Variants in CDIN1 observed in about 807,000 individuals in gnomAD.
CDIN1 encodes CDAN1-interacting nuclease 1.
CDIN1 carries 33 observed loss-of-function variants against 45.3 expected under a neutral mutation model. The ratio of observed to expected loss-of-function variants is 0.73; its 90% confidence interval spans 0.55 to 0.97. The LOEUF is 0.97. Ranked by LOEUF, CDIN1 falls within the 50% of genes least tolerant of loss-of-function variation. The pLI, the probability that CDIN1 is intolerant of heterozygous loss-of-function variation, is 0.00. For synonymous variants in CDIN1, 118 were observed against 124.4 expected (o/e 0.95, Z 0.34); for missense variants, 303 against 339.4 (o/e 0.89, Z 0.84).
intron 10 of CDIN1, among the ~76,000 whole-genome samples, chr15:36,747,788 A>G (rs1204688579): frequency 1.3e-5 from 2 of 152,092 alleles, no homozygotes; most frequent in East Asian, 1.9e-4. Flanking sequence ...ATACCAAAAC[A>G]TTTTTCCTAA....
In CDIN1 at chr15:36,692,195, T is replaced by A. The variant is rs1218389798; in HGVS notation, c.476+20T>A. 6.2e-7 allele frequency: 1 copy of A among 1,611,876 alleles called. No homozygotes were observed. Among genetic ancestry groups the A allele is most frequent in the South Asian group, 1.1e-5 (1 of 90,800 alleles). On this transcript the variant is annotated intron_variant, in intron 7 of 10. Transcript: ENST00000566621. Reference sequence around the variant, plus strand: ...CAAGCAGTATCCTTTCCCATAAAATTTTAGGTGCGCAATTGACGAGCTTAG... The same window carrying A: ...CAAGCAGTATCCTTTCCCATAAAATATTAGGTGCGCAATTGACGAGCTTAG...
intron 10 of CDIN1, among the ~76,000 whole-genome samples, chr15:36,718,902 A>T (rs542175053): frequency 5.5e-4 from 82 of 150,206 alleles, no homozygotes; most frequent in African/African-American, 1.8e-3. Context: ...ATCTTAGAAG[A>T]AAGATTTTAG....
At chr15:36,694,158 G>A (rs1002483249) in intron 7 of CDIN1, among the ~76,000 whole-genome samples, 13 of 152,142 alleles carry the variant, frequency 8.5e-5, no homozygotes, top group African/African-American at 2.9e-4. Context: ...GATTGCTTTT[G>A]TCATGCAAAA....
intron 1 of CDIN1, among the ~76,000 whole-genome samples, chr15:36,592,352 G>T (rs2037618671): frequency 6.6e-6 from 1 of 152,134 alleles, no homozygotes; most frequent in Non-Finnish European, 1.5e-5. Flanking sequence ...ATTGGCAAAT[G>T]GTACAACCTG....
chr15:36,799,942 A>G (rs1435780496), intron 10 of CDIN1: 1 of 152,230 alleles, frequency 6.6e-6, no homozygotes, highest in Non-Finnish European at 1.5e-5. Context: ...TTATAAATAT[A>G]GCATCTATCT....
intron 3 of CDIN1, among the ~76,000 whole-genome samples, chr15:36,646,886 T>C (rs148480229): frequency 1.6e-3 from 239 of 152,312 alleles, no homozygotes; most frequent in African/African-American, 4.8e-3. Context: ...GTTTTAGTTA[T>C]TAATACATGA....
At position 36,765,967 on chromosome 15, in the gene CDIN1, A is replaced by G. The variant is rs140637482; in HGVS notation, c.717-42357A>G. The stretch of plus-strand genomic sequence containing the variant: ...GTTAAAATTTTAAGTGCTCAATACC[A>G]TATTGCTAACTATAGGTACTATGGT... On this transcript the variant is annotated intron_variant, in intron 10 of 10. Transcript: ENST00000566621. Among the ~76,000 whole-genome samples the G allele has an allele frequency of 1.9e-3, 286 of 152,308 alleles. 3 individuals are homozygous for G. The highest frequency in any genetic ancestry group is 6.5e-3 in the African/African-American group (270 of 41,574).
At chr15:36,717,308 A>G (rs187576266) in intron 10 of CDIN1, among the ~76,000 whole-genome samples, 7 of 152,292 alleles carry the variant, frequency 4.6e-5, no homozygotes, top group African/African-American at 1.7e-4. Flanking sequence ...ATGCCTCTTT[A>G]TAATCCACTT....
At chr15:36,607,375 G>C (rs1237530197) in intron 1 of CDIN1, among the ~76,000 whole-genome samples, 1 of 152,108 alleles carries the variant, frequency 6.6e-6, no homozygotes, top group African/African-American at 2.4e-5. Context: ...ATACGAGGAG[G>C]TAATTTTACA....
chr15:36,809,310 C>T lies in CDIN1; in HGVS notation c.*857C>T, dbSNP rs1452580129. 4 of 183,976 alleles carry T rather than the reference C, an allele frequency of 2.2e-5. No individual in the cohort carries two copies. The highest frequency in any genetic ancestry group is 9.5e-5 in the African/African-American group (4 of 42,044). The allele number at this position is 183,976 out of a possible 1,614,324, so 11.4% of individuals were successfully genotyped here. Reference sequence around the variant, plus strand: ...TACGTGAGCTAGTATTTTTATGAGTCGAGTTTTTTAAAGGCACATTCTGTA... The same window carrying T: ...TACGTGAGCTAGTATTTTTATGAGTTGAGTTTTTTAAAGGCACATTCTGTA... On this transcript the variant is annotated 3_prime_UTR_variant, in exon 11 of 11. Transcript: ENST00000566621.
chr15:36,613,684 T>C, intron 1 of CDIN1: 1 of 1,470,446 alleles, frequency 6.8e-7, no homozygotes, highest in Non-Finnish European at 9.5e-7. Context: ...AGCGCCTGGC[T>C]ACTGCCCTGC....
At chr15:36,582,484 C>A (rs545046484) in intron 1 of CDIN1, among the ~76,000 whole-genome samples, 66 of 152,332 alleles carry the variant, frequency 4.3e-4, no homozygotes, top group African/African-American at 1.5e-3. Context: ...ACTACTAGTA[C>A]AGTTATGATG....
Position 36,703,219 on chromosome 15 carries a change from A to AATATATATATAT in CDIN1, c.544+5832_544+5843dup, listed in dbSNP as rs71126233. On this transcript the variant is annotated intron_variant, in intron 8 of 10. Coordinates refer to ENST00000566621, the MANE Select transcript of CDIN1 (RefSeq NM_001321759.2). ...GGCAATAGAGTGAGACCCTGTCTCA[A>AATATATATATAT]ATATATATATATATCAGATATATAT... Among the ~76,000 whole-genome samples, 23 of 57,376 alleles carry AATATATATATAT rather than the reference A, an allele frequency of 4.0e-4. 8 individuals carry two copies. The East Asian group carries it at 5.1e-3, about 13-fold the overall frequency. The allele number at this position is 57,376 out of a possible 152,430, so 37.6% of individuals were successfully genotyped here.
intron 10 of CDIN1, among the ~76,000 whole-genome samples, chr15:36,758,294 AGTAGCATGTGG>A (rs1011595256): frequency 6.6e-6 from 1 of 152,288 alleles, no homozygotes; most frequent in East Asian, 1.9e-4. Context: ...TGGCCTTGAT[AGTAGCATGTGG>A]CTACAGTGTG....
intron 10 of CDIN1, among the ~76,000 whole-genome samples, chr15:36,754,600 AAT>A (rs892619071): frequency 6.6e-6 from 1 of 151,256 alleles, no homozygotes; most frequent in Non-Finnish European, 1.5e-5. Context: ...CAAGTAAGGG[AAT>A]ATATAACTTC....
At position 36,744,104 on chromosome 15, in the gene CDIN1, A is replaced by G. The variant is rs752037386; in HGVS notation, c.716+34143A>G. ...TGCAAACATTTTTTTCTGTCCTTCCATTTTGTACAGAGGAATTCTGCAATG... is the reference window on the plus strand; with the variant it reads ...TGCAAACATTTTTTTCTGTCCTTCCGTTTTGTACAGAGGAATTCTGCAATG... On this transcript the variant is annotated intron_variant, in intron 10 of 10. Coordinates refer to ENST00000566621, the MANE Select transcript of CDIN1 (RefSeq NM_001321759.2). Among the ~76,000 whole-genome samples, 60 of 150,664 alleles carry G rather than the reference A, an allele frequency of 4.0e-4. 1 individual carries two copies. Among genetic ancestry groups the G allele is most frequent in the South Asian group, 2.5e-3 (12 of 4,788 alleles).
chr15:36,581,643 C>G (rs975502600), intron 1 of CDIN1, among the ~76,000 whole-genome samples: 1 of 152,054 alleles, frequency 6.6e-6, no homozygotes, highest in Non-Finnish European at 1.5e-5. Flanking sequence ...TTTGGGAGGC[C>G]GAGATGGGAG....
chr15:36,759,288 G>C (rs1219862297), intron 10 of CDIN1, among the ~76,000 whole-genome samples: 2 of 152,130 alleles, frequency 1.3e-5, no homozygotes, highest in African/African-American at 4.8e-5. Flanking sequence ...CCCAGGCCAT[G>C]GGTTCTGTAC....
chr15:36,773,283 C>A (rs779715189), intron 10 of CDIN1, among the ~76,000 whole-genome samples: 19 of 152,212 alleles, frequency 1.2e-4, no homozygotes, highest in Non-Finnish European at 2.5e-4. Flanking sequence ...TACATCCATC[C>A]CTTATTCTCT....
Sources: gnomAD v4.1 joint callset for allele counts (sites outside exome capture counted in the v4.1 genomes callset) on GRCh38, gnomAD v4.1.1 for gene constraint, MANE v1.5 for transcripts, NCBI Gene and HGNC (gene_info 2026-07-23, HGNC 2026-07-21) for gene names.